Variants in AOPEP observed in about 807,000 individuals in gnomAD.
AOPEP encodes the protein aminopeptidase O (putative), also known as aminopeptidase O.
Under a neutral mutation model 98.1 loss-of-function variants are expected in AOPEP, and 77 were observed. The observed-to-expected ratio is 0.78, with a 90% CI of 0.65 to 0.95. AOPEP has a LOEUF of 0.95. Among genes scored for constraint, AOPEP ranks in the 40% least tolerant of loss-of-function variants. AOPEP has a pLI of 0.00. For synonymous variants in AOPEP, 346 were observed against 365.3 expected (o/e 0.95, Z 0.60); for missense variants, 1,024 against 1,024.7 (o/e 1.00, Z 0.01).
intron 5 of AOPEP, among the ~76,000 whole-genome samples, chr9:94,839,987 T>C (rs2042095085): frequency 6.6e-6 from 1 of 152,130 alleles, no homozygotes; most frequent in African/African-American, 2.4e-5. Flanking sequence ...AAGCTGATCT[T>C]GAACTCCTGG....
intron 13 of AOPEP, among the ~76,000 whole-genome samples, chr9:95,027,435 T>C (rs1019875897): frequency 1.3e-5 from 2 of 152,232 alleles, no homozygotes; most frequent in Non-Finnish European, 2.9e-5. Flanking sequence ...ATTGAGTTGA[T>C]GTGTGTATGT....
At chr9:95,039,288 C>T (rs1451139076) in intron 13 of AOPEP, among the ~76,000 whole-genome samples, 1 of 152,042 alleles carries the variant, frequency 6.6e-6, no homozygotes, top group African/African-American at 2.4e-5. Flanking sequence ...AATTGTTGGC[C>T]AGGTGCGGTG....
At chr9:94,848,074 T>C (rs922542747) in intron 5 of AOPEP, among the ~76,000 whole-genome samples, 2 of 152,158 alleles carry the variant, frequency 1.3e-5, no homozygotes, top group Non-Finnish European at 2.9e-5. Flanking sequence ...AATGTGACAC[T>C]GCAGTTACTT....
chr9:94,792,699 A>T (rs999277134), intron 3 of AOPEP, 66 bp from the exon 4 acceptor site: 4 of 1,385,864 alleles, frequency 2.9e-6, no homozygotes, highest in Non-Finnish European at 3.8e-6. Flanking sequence ...CCTCGAGAAG[A>T]AATTATACAG....
At chr9:94,884,288 G>A (rs1262009478) in intron 5 of AOPEP, among the ~76,000 whole-genome samples, 1 of 152,214 alleles carries the variant, frequency 6.6e-6, no homozygotes, top group Non-Finnish European at 1.5e-5. Context: ...AATTAAGGGT[G>A]CTTACGTGAG....
intron 5 of AOPEP, among the ~76,000 whole-genome samples, chr9:94,818,906 A>G (rs1361082683): frequency 6.6e-6 from 1 of 152,218 alleles, no homozygotes; most frequent in Non-Finnish European, 1.5e-5. Context: ...AGGCAGGAGA[A>G]TGGCATGAAC....
intron 5 of AOPEP, among the ~76,000 whole-genome samples, chr9:94,834,773 A>G (rs10993363): frequency 0.089 from 13,482 of 152,022 alleles, 718 homozygotes; most frequent in African/African-American, 0.13. Context: ...AGCCTGGGCA[A>G]CAGAGCGAGA....
At chr9:95,062,585 AG>A (rs2067422940) in intron 14 of AOPEP, among the ~76,000 whole-genome samples, 1 of 152,184 alleles carries the variant, frequency 6.6e-6, no homozygotes, top group Non-Finnish European at 1.5e-5. Context: ...GGGCCGGTAC[AG>A]GCCCACCCAC....
At chr9:94,729,332 G>T (rs1273761102) in intron 1 of AOPEP, among the ~76,000 whole-genome samples, 1 of 152,154 alleles carries the variant, frequency 6.6e-6, no homozygotes, top group Non-Finnish European at 1.5e-5. Flanking sequence ...CACCTTGGGA[G>T]CCCAAGGCAG....
intron 2 of AOPEP, among the ~76,000 whole-genome samples, chr9:94,768,468 C>A (rs1271766250): frequency 1.3e-5 from 2 of 152,214 alleles, no homozygotes; most frequent in Admixed American, 6.5e-5. Flanking sequence ...CGTAGCTCCT[C>A]CTTAGGAAGA....
intron 5 of AOPEP, among the ~76,000 whole-genome samples, chr9:94,866,001 G>A (rs569652762): frequency 1.4e-3 from 213 of 152,318 alleles, no homozygotes; most frequent in African/African-American, 4.9e-3. Context: ...GAGGGCCATT[G>A]CAAATGGCAT....
intron 13 of AOPEP, among the ~76,000 whole-genome samples, chr9:95,053,707 T>TTTG (rs60251468): frequency 0.021 from 3,242 of 150,800 alleles, 80 homozygotes; most frequent in African/African-American, 0.065. Context: ...TTAATTCATT[T>TTTG]TTGTTGTTGT....
intron 5 of AOPEP, among the ~76,000 whole-genome samples, chr9:94,881,063 G>A (rs1318088686): frequency 6.6e-6 from 1 of 152,098 alleles, no homozygotes; most frequent in East Asian, 1.9e-4. Flanking sequence ...TTTAGATGGA[G>A]GTCAGAAGGA....
At chr9:94,811,548 CT>C (rs1252735963) in intron 5 of AOPEP, among the ~76,000 whole-genome samples, 1 of 152,226 alleles carries the variant, frequency 6.6e-6, no homozygotes, top group Non-Finnish European at 1.5e-5. Context: ...CCCACCACCA[CT>C]TTGGCTTCAA....
intron 5 of AOPEP, among the ~76,000 whole-genome samples, chr9:94,896,037 C>T (rs957326448): frequency 1.3e-5 from 2 of 151,940 alleles, no homozygotes; most frequent in Admixed American, 6.6e-5. Context: ...CTAGACAATA[C>T]TAATAGATAA....
At chr9:94,931,573 C>T in intron 7 of AOPEP, 1 of 609,820 alleles carries the variant, frequency 1.6e-6, no homozygotes, top group Non-Finnish European at 2.9e-6. Flanking sequence ...AATTTGTTCT[C>T]AGATTTTGTT....
intron 1 of AOPEP, among the ~76,000 whole-genome samples, chr9:94,733,519 A>G (rs1831050042): frequency 6.6e-6 from 1 of 152,210 alleles, no homozygotes; most frequent in African/African-American, 2.4e-5. Flanking sequence ...CACTTTAAAC[A>G]TACCCTTAGG....
chr9:94,775,555 C>T (rs988639469), intron 3 of AOPEP, among the ~76,000 whole-genome samples: 1 of 151,998 alleles, frequency 6.6e-6, no homozygotes, highest in Non-Finnish European at 1.5e-5. Context: ...TTAGTAGAGA[C>T]AGGGTTTCAC....
At chr9:94,881,048 A>C (rs1033092836) in intron 5 of AOPEP, among the ~76,000 whole-genome samples, 2 of 152,328 alleles carry the variant, frequency 1.3e-5, no homozygotes, top group African/African-American at 4.8e-5. Context: ...TAGATGGAGT[A>C]GCATTTTAGA....
Sources: gnomAD v4.1 joint callset for allele counts (sites outside exome capture counted in the v4.1 genomes callset) on GRCh38, gnomAD v4.1.1 for gene constraint, MANE v1.5 for transcripts, NCBI Gene and HGNC (gene_info 2026-07-23, HGNC 2026-07-21) for gene names.